FLRT3: variants seen among roughly 807,000 people sequenced by gnomAD.
The protein encoded by FLRT3 is leucine-rich repeat transmembrane protein FLRT3.
FLRT3 carries 17 observed loss-of-function variants against 42.6 expected under a neutral mutation model. The observed-to-expected ratio is 0.40, with a 90% CI of 0.27 to 0.60. The LOEUF (loss-of-function observed/expected upper bound fraction) is 0.60, where lower values mean the gene tolerates loss of function less well. Ranked by LOEUF, FLRT3 falls within the 20% of genes least tolerant of loss-of-function variation. The pLI, the probability that FLRT3 is intolerant of heterozygous loss-of-function variation, is 0.44. For missense variants in FLRT3, 635 were observed against 789.2 expected, an observed-to-expected ratio of 0.80 and a Z score of 2.34; for synonymous variants, 279 against 286.4, an observed-to-expected ratio of 0.97 and a Z score of 0.26.
intron 1 of FLRT3, among the ~76,000 whole-genome samples, chr20:14,330,142 C>T (rs1742790260): frequency 6.6e-6 from 1 of 152,002 alleles, no homozygotes; most frequent in African/African-American, 2.4e-5. Flanking sequence ...GCATTTCTCT[C>T]TAGGTTCATA....
At chr20:14,334,667 G>A (rs2082904948) in intron 1 of FLRT3, among the ~76,000 whole-genome samples, 1 of 151,644 alleles carries the variant, frequency 6.6e-6, no homozygotes, top group African/African-American at 2.4e-5. Flanking sequence ...GTGGGGGGTG[G>A]GAGGGAAGGG....
chr20:14,335,666 A>G (rs1175869835), intron 1 of FLRT3, among the ~76,000 whole-genome samples: 1 of 152,184 alleles, frequency 6.6e-6, no homozygotes, highest in Non-Finnish European at 1.5e-5. Flanking sequence ...AAACCCAATT[A>G]GTAACTGGTA....
chr20:14,336,551 G>C (rs772667751), intron 1 of FLRT3, among the ~76,000 whole-genome samples: 1 of 152,094 alleles, frequency 6.6e-6, no homozygotes, highest in Non-Finnish European at 1.5e-5. Context: ...CCTATTATAA[G>C]TTGCAAAGAA....
rs1485220564 is a variant in FLRT3, at chr20:14,323,096, TA to T, written c.*2460del. The T allele has an allele frequency of 2.0e-5, 3 of 152,192 alleles. No homozygotes were observed. The highest frequency in any genetic ancestry group is 2.9e-5 in the Non-Finnish European group (2 of 68,038). 9.4% of individuals were successfully genotyped at this position (152,192 alleles called of 1,614,324 possible). On this transcript the variant is annotated 3_prime_UTR_variant, in exon 3 of 3. Coordinates refer to ENST00000341420, the MANE Select transcript of FLRT3 (RefSeq NM_198391.3). ...CGCAAGCAATCAGTTCTTCAGCAGA[TA>T]CCAGCTGGGTGTCCTCCAATTCAGT...
intron 1 of FLRT3, among the ~76,000 whole-genome samples, chr20:14,332,412 A>G (rs1798563749): frequency 6.6e-6 from 1 of 152,058 alleles, no homozygotes; most frequent in Non-Finnish European, 1.5e-5. Flanking sequence ...CTGCTACTAC[A>G]ATATTTTGGA....
chr20:14,325,350 C>T lies in FLRT3; in HGVS notation c.*207G>A, dbSNP rs1601479205. ...ACTAAAATATAGAATTGTGTTCAGG[C>T]ATCTCCACTACATCAATCGCAGCAG... On this transcript the variant is annotated 3_prime_UTR_variant, in exon 3 of 3. Transcript: ENST00000341420. 2.2e-6 allele frequency: 1 copy of T among 448,274 alleles called. No homozygotes were observed. The highest frequency in any genetic ancestry group is 3.5e-5 in the East Asian group (1 of 28,958). The allele number at this position is 448,274 out of a possible 1,614,324, so 27.8% of individuals were successfully genotyped here.
rs112574985 is a variant in FLRT3, at chr20:14,335,074, A to G, written c.-247+2330T>C. On this transcript the variant is annotated intron_variant, in intron 1 of 2. Transcript: ENST00000341420. ...TTAATATATTATTAAGACAAGGCCA[A>G]TTCCCTGCACTGATTTTTGTAGGGC... is the stretch of plus-strand genomic sequence containing the variant. 2.4e-3 allele frequency among the ~76,000 whole-genome samples: 365 copies of G among 152,330 alleles called. 1 individual carries two copies. The highest frequency in any genetic ancestry group is 8.4e-3 in the African/African-American group (348 of 41,578).
intron 1 of FLRT3, 150 bp from the exon 2 acceptor site, chr20:14,329,477 A>G (rs1277145563): frequency 6.6e-6 from 1 of 152,094 alleles, no homozygotes; most frequent in Non-Finnish European, 1.5e-5. Context: ...CTTTGTTTTT[A>G]GACTTCTCAT....
chr20:14,326,876 A>G lies in FLRT3; in HGVS notation c.631T>C (p.Leu211=), dbSNP rs754895999. The part of the protein sequence containing the change: ...LKRLVLDGNL[L]NNHGLGDKVF... ...TTGTCACCTAAACCATGATTGTTCAACAGGTTTCCATCTAGAACCAGGCGT... is the reference window on the plus strand; with the variant it reads ...TTGTCACCTAAACCATGATTGTTCAGCAGGTTTCCATCTAGAACCAGGCGT... The change falls in exon 3 of 3, where the codon TTG becomes CTG. Residue 211 remains leucine (L), a synonymous_variant. Transcript: ENST00000341420. This position sits in a 1 kb window ranked among gnomAD's most constrained non-coding sequence, Gnocchi z 5.5. 6.2e-7 allele frequency: 1 copy of G among 1,613,786 alleles called. No homozygotes were observed. The highest frequency in any genetic ancestry group is 2.2e-5 in the East Asian group (1 of 44,856).
At chr20:14,334,364 T>A (rs2082898098) in intron 1 of FLRT3, among the ~76,000 whole-genome samples, 1 of 152,234 alleles carries the variant, frequency 6.6e-6, no homozygotes, top group African/African-American at 2.4e-5. Context: ...ACCAACTCTT[T>A]GTTGGAAATT....
chr20:14,337,223 C>T (rs911402934), intron 1 of FLRT3, among the ~76,000 whole-genome samples, 181 bp downstream of exon 1: 20 of 152,164 alleles, frequency 1.3e-4, no homozygotes, highest in Admixed American at 1.2e-3. Flanking sequence ...AAACTTCTTA[C>T]ATTCAGCCAT....
In FLRT3 at chr20:14,325,114, GT is replaced by G. The variant is rs397866154; in HGVS notation, c.*442del. 2,961 of 145,990 alleles carry G rather than the reference GT, an allele frequency of 0.02. 40 individuals carry two copies. Among genetic ancestry groups the G allele is most frequent in the South Asian group, 0.035 (159 of 4,534 alleles). The allele number at this position is 145,990 out of a possible 1,614,324, so 9.0% of individuals were successfully genotyped here. A position where few individuals can be genotyped will look rare whatever the true frequency, so the allele number is the denominator to read the frequency against. ...TTTATCTCATTCAGCCATTCAGCCA[GT>G]TTTTTTTTTTTACATTTTATTAATA... On this transcript the variant is annotated 3_prime_UTR_variant, in exon 3 of 3. Transcript: ENST00000341420.
intron 1 of FLRT3, among the ~76,000 whole-genome samples, chr20:14,332,087 A>G (rs1190408658): frequency 6.6e-6 from 1 of 152,174 alleles, no homozygotes; most frequent in Non-Finnish European, 1.5e-5. Flanking sequence ...TTTAACTATA[A>G]AACACTTAAA....
chr20:14,335,362 T>A (rs1289458112), intron 1 of FLRT3, among the ~76,000 whole-genome samples: 1 of 152,214 alleles, frequency 6.6e-6, no homozygotes, highest in Non-Finnish European at 1.5e-5. Context: ...TAACAAAGTC[T>A]GACAGCCACA....
intron 1 of FLRT3, among the ~76,000 whole-genome samples, chr20:14,331,970 C>A (rs2082850092): frequency 6.6e-6 from 1 of 152,012 alleles, no homozygotes; most frequent in South Asian, 2.1e-4. Flanking sequence ...CAAAATGAAT[C>A]GATCTTTTAG....
At chr20:14,330,960 G>A (rs2082825525) in intron 1 of FLRT3, among the ~76,000 whole-genome samples, 1 of 152,044 alleles carries the variant, frequency 6.6e-6, no homozygotes. Context: ...GTTAATTTAA[G>A]TTTAGAAAAC....
At chr20:14,335,622 A>C (rs2122638096) in intron 1 of FLRT3, among the ~76,000 whole-genome samples, 1 of 152,268 alleles carries the variant, frequency 6.6e-6, no homozygotes, top group African/African-American at 2.4e-5. Flanking sequence ...CCCAGTCATA[A>C]TTGATTTTAA....
chr20:14,323,249 G>A lies in FLRT3; in HGVS notation c.*2308C>T, dbSNP rs1187282751. 1.3e-5 allele frequency: 2 copies of A among 152,128 alleles called. No homozygotes were observed. The highest frequency in any genetic ancestry group is 4.8e-5 in the African/African-American group (2 of 41,438). The allele number at this position is 152,128 out of a possible 1,614,324, so 9.4% of individuals were successfully genotyped here. On this transcript the variant is annotated 3_prime_UTR_variant, in exon 3 of 3. Transcript: ENST00000341420. Reference sequence around the variant, plus strand: ...GTCAGCTTCAAGTTTGGTTTCCCAGGATCCCCTTTTTGTGTTCTATTAATT... The same window carrying A: ...GTCAGCTTCAAGTTTGGTTTCCCAGAATCCCCTTTTTGTGTTCTATTAATT...
chr20:14,324,395 TATATA>T lies in FLRT3; in HGVS notation c.*1157_*1161del, dbSNP rs996082084. 1 of 152,578 alleles carries T rather than the reference TATATA, an allele frequency of 6.6e-6. No homozygotes were observed. Among genetic ancestry groups the T allele is most frequent in the African/African-American group, 2.4e-5 (1 of 41,456 alleles). 9.5% of individuals were successfully genotyped at this position (152,578 alleles called of 1,614,324 possible). Reference sequence around the variant, plus strand: ...AGGAAATGTTACATTACGAGTTCATTATATAATATCTGGAAAATTGTGACAGTAAT... The same window carrying T: ...AGGAAATGTTACATTACGAGTTCATTATATCTGGAAAATTGTGACAGTAAT... On this transcript the variant is annotated 3_prime_UTR_variant, in exon 3 of 3. Coordinates refer to ENST00000341420, the MANE Select transcript of FLRT3 (RefSeq NM_198391.3).
Sources: allele counts gnomAD v4.1 joint callset (sites outside exome capture counted in the v4.1 genomes callset), GRCh38; gene constraint gnomAD v4.1.1; non-coding constraint Gnocchi (gnomAD v3.1); transcripts MANE v1.5; gene names NCBI Gene and HGNC (gene_info 2026-07-23, HGNC 2026-07-21).